The following ARHGAP26 variants were observed in gnomAD, a reference collection of about 807,000 sequenced individuals.
The protein encoded by ARHGAP26 is Rho GTPase activating protein 26, also known as rho GTPase-activating protein 26.
Under a neutral mutation model 104.8 loss-of-function variants are expected in ARHGAP26, and 38 were observed. The ratio of observed to expected loss-of-function variants is 0.36; its 90% CI spans 0.28 to 0.48. ARHGAP26 has a LOEUF of 0.48. ARHGAP26 is among the 20% of genes least tolerant of loss of function. The pLI, the probability that ARHGAP26 is intolerant of heterozygous loss-of-function variation, is 0.99. For missense variants in ARHGAP26, 704 were observed against 947.9 expected (o/e 0.74, Z 3.38); for synonymous variants, 341 against 340.0 (o/e 1.00, Z -0.03).
At chr5:142,773,205 A>T (rs1755604620) in intron 1 of ARHGAP26, among the ~76,000 whole-genome samples, 1 of 152,128 alleles carries the variant, frequency 6.6e-6, no homozygotes, top group South Asian at 2.1e-4. Flanking sequence ...ATTTTTCTTC[A>T]GTCATGTTTA....
intron 11 of ARHGAP26, among the ~76,000 whole-genome samples, chr5:142,954,465 A>C (rs1015129596): frequency 6.6e-6 from 1 of 151,754 alleles, no homozygotes; most frequent in Non-Finnish European, 1.5e-5. Context: ...CGCAACCTCA[A>C]CTCTTCTGGA....
intron 14 of ARHGAP26, among the ~76,000 whole-genome samples, chr5:143,054,195 C>T (rs1428982659): frequency 6.6e-6 from 1 of 152,172 alleles, no homozygotes; most frequent in Non-Finnish European, 1.5e-5. Context: ...CTTCTCAAAA[C>T]TCTTGCATTT....
intron 20 of ARHGAP26, chr5:143,166,083 C>T (rs981165345): frequency 3.8e-5 from 50 of 1,317,910 alleles, no homozygotes; most frequent in Admixed American, 9.5e-5. Flanking sequence ...AGTCCTGCTT[C>T]GTGATGGGCA....
chr5:143,195,716 G>A (rs1213212111), intron 20 of ARHGAP26, among the ~76,000 whole-genome samples: 4 of 152,114 alleles, frequency 2.6e-5, no homozygotes, highest in Non-Finnish European at 5.9e-5. Context: ...AACCTAAACC[G>A]TGGATTGGTG....
At chr5:142,854,167 G>C (rs1176572931) in intron 1 of ARHGAP26, among the ~76,000 whole-genome samples, 1 of 152,192 alleles carries the variant, frequency 6.6e-6, no homozygotes, top group East Asian at 1.9e-4. Flanking sequence ...ATACATTCAT[G>C]AAGCCACCAC....
At chr5:143,213,027 C>T (rs1809757858) in intron 21 of ARHGAP26, among the ~76,000 whole-genome samples, 1 of 152,172 alleles carries the variant, frequency 6.6e-6, no homozygotes, top group Non-Finnish European at 1.5e-5. Flanking sequence ...CGCCTGTAGT[C>T]CCAGCTACTC....
At chr5:142,864,436 C>A (rs1422722375) in intron 1 of ARHGAP26, among the ~76,000 whole-genome samples, 1 of 152,152 alleles carries the variant, frequency 6.6e-6, no homozygotes, top group Non-Finnish European at 1.5e-5. Context: ...AATGGTCCAT[C>A]CGGGTTTTGC....
At chr5:143,038,431 G>T (rs563647326) in intron 13 of ARHGAP26, among the ~76,000 whole-genome samples, 2 of 152,104 alleles carry the variant, frequency 1.3e-5, no homozygotes, top group Non-Finnish European at 2.9e-5. Flanking sequence ...AAGGCATCTT[G>T]TAAAGGTATG....
At chr5:142,906,847 G>A (rs767951692) in intron 8 of ARHGAP26, among the ~76,000 whole-genome samples, 1 of 152,130 alleles carries the variant, frequency 6.6e-6, no homozygotes, top group East Asian at 1.9e-4. Flanking sequence ...ATTATTAAAC[G>A]TCTGCTAATT....
intron 17 of ARHGAP26, among the ~76,000 whole-genome samples, chr5:143,085,358 T>C (rs1790430924): frequency 6.6e-6 from 1 of 152,022 alleles, no homozygotes; most frequent in African/African-American, 2.4e-5. Flanking sequence ...GGGTCTCTAA[T>C]TTGGGGATAG....
At chr5:143,117,715 C>T (rs1387647050) in intron 17 of ARHGAP26, among the ~76,000 whole-genome samples, 1 of 152,094 alleles carries the variant, frequency 6.6e-6, no homozygotes, top group Non-Finnish European at 1.5e-5. Flanking sequence ...GGCACTGGGG[C>T]CTGCAAATCA....
chr5:143,032,606 CT>C (rs1329474472), intron 12 of ARHGAP26, among the ~76,000 whole-genome samples: 1 of 152,142 alleles, frequency 6.6e-6, no homozygotes, highest in African/African-American at 2.4e-5. Context: ...TGTTCTAAAC[CT>C]TTTAGTGGGA....
chr5:143,042,752 A>G (rs1783667926), intron 14 of ARHGAP26, among the ~76,000 whole-genome samples: 1 of 152,206 alleles, frequency 6.6e-6, no homozygotes, highest in African/African-American at 2.4e-5. Flanking sequence ...CTTTCTGAAA[A>G]TAGCTTTCTT....
intron 11 of ARHGAP26, among the ~76,000 whole-genome samples, chr5:142,998,147 G>A (rs1001548350): frequency 1.3e-5 from 2 of 152,098 alleles, no homozygotes; most frequent in Non-Finnish European, 2.9e-5. Flanking sequence ...AACAAAAATT[G>A]ACTCTATATG....
At chr5:143,048,934 A>C (rs1410362191) in intron 14 of ARHGAP26, among the ~76,000 whole-genome samples, 3 of 151,432 alleles carry the variant, frequency 2.0e-5, no homozygotes, top group East Asian at 1.9e-4. Flanking sequence ...AAAAAAAAAA[A>C]AACCTTACCC....
intron 1 of ARHGAP26, among the ~76,000 whole-genome samples, chr5:142,841,949 A>G (rs1444743405): frequency 1.3e-5 from 2 of 152,066 alleles, no homozygotes; most frequent in African/African-American, 2.4e-5. Context: ...GGGTTCATAG[A>G]CTTTTGCTTG....
chr5:143,061,711 A>C (rs1786734390), intron 17 of ARHGAP26, among the ~76,000 whole-genome samples: 1 of 152,098 alleles, frequency 6.6e-6, no homozygotes, highest in African/African-American at 2.4e-5. Context: ...CTGTCCTGAG[A>C]GTTGGTTAGT....
intron 1 of ARHGAP26, among the ~76,000 whole-genome samples, chr5:142,838,611 T>C (rs551077334): frequency 1.3e-5 from 2 of 152,326 alleles, no homozygotes; most frequent in African/African-American, 2.4e-5. Flanking sequence ...GTTGTGACCA[T>C]TAAAAATAAT....
chr5:142,919,569 T>A (rs903513684), intron 10 of ARHGAP26: 1 of 397,228 alleles, frequency 2.5e-6, no homozygotes, highest in African/African-American at 2.1e-5. Flanking sequence ...ACTCAACACC[T>A]ACTGCTTGAA....
Sources: allele counts gnomAD v4.1 joint callset (sites outside exome capture counted in the v4.1 genomes callset), GRCh38; gene constraint gnomAD v4.1.1; transcripts MANE v1.5; gene names NCBI Gene and HGNC (gene_info 2026-07-23, HGNC 2026-07-21).